Variants in AFG1L observed in about 807,000 individuals in gnomAD.
AFG1L encodes the protein AFG1-like ATPase.
Under a neutral mutation model 62.2 loss-of-function variants are expected in AFG1L, and 53 were observed. The observed-to-expected ratio is 0.85, with a 90% CI of 0.68 to 1.07. AFG1L has a LOEUF of 1.07. Ranked by LOEUF, AFG1L falls within the 50% of genes least tolerant of loss-of-function variation. The pLI is 0.00. For missense variants in AFG1L, 555 were observed against 590.5 expected, an observed-to-expected ratio of 0.94 and a Z score of 0.62; for synonymous variants, 228 against 210.3, an observed-to-expected ratio of 1.08 and a Z score of -0.73.
At chr6:108,379,547 TG>T (rs1335361057) in intron 6 of AFG1L, among the ~76,000 whole-genome samples, 1 of 152,150 alleles carries the variant, frequency 6.6e-6, no homozygotes, top group African/African-American at 2.4e-5. Context: ...AGGGTGGCAA[TG>T]GGAGCCGTGA....
chr6:108,385,976 G>T (rs1780746403), intron 6 of AFG1L, among the ~76,000 whole-genome samples: 1 of 152,112 alleles, frequency 6.6e-6, no homozygotes, highest in African/African-American at 2.4e-5. Flanking sequence ...TAGCTGGTGT[G>T]GTGGCACATG....
In AFG1L at chr6:108,489,599, G is replaced by A. The variant is rs116285477; in HGVS notation, c.1062+12307G>A. Among the ~76,000 whole-genome samples, 1,016 of 152,272 alleles carry A rather than the reference G, an allele frequency of 6.7e-3. 9 individuals are homozygous for A. The highest frequency in any genetic ancestry group is 0.022 in the African/African-American group (928 of 41,546). The stretch of plus-strand genomic sequence containing the variant: ...GATTTCAGCTCCTAATTGCTGCCTC[G>A]AGGAGGGGCATGAACCAGGTATACT... On this transcript the variant is annotated intron_variant, in intron 10 of 12. Transcript: ENST00000368977.
In AFG1L at chr6:108,525,052, T is replaced by C. The variant is rs370335751; in HGVS notation, c.*2627T>C. On this transcript the variant is annotated 3_prime_UTR_variant, in exon 13 of 13. Coordinates refer to ENST00000368977, the MANE Select transcript of AFG1L (RefSeq NM_145315.5). ...CTTTTTTTGAAATGCTTTAAATGTA[T>C]ACTTTGAGACGGAGGTTTGAGCTGA... 25 of 152,330 alleles carry C rather than the reference T, an allele frequency of 1.6e-4. No individual in the cohort carries two copies. Among genetic ancestry groups the C allele is most frequent in the African/African-American group, 5.3e-4 (22 of 41,572 alleles). The allele number at this position is 152,330 out of a possible 1,614,324, so 9.4% of individuals were successfully genotyped here.
chr6:108,315,656 C>T (rs1777562271), intron 1 of AFG1L, among the ~76,000 whole-genome samples: 1 of 152,098 alleles, frequency 6.6e-6, no homozygotes, highest in Admixed American at 6.6e-5. Context: ...TCATAGCTCA[C>T]TGTAACCTCA....
At chr6:108,424,138 G>A (rs1283324614) in intron 7 of AFG1L, among the ~76,000 whole-genome samples, 1 of 151,932 alleles carries the variant, frequency 6.6e-6, no homozygotes, top group Non-Finnish European at 1.5e-5. Flanking sequence ...GGATGAGAAG[G>A]CAATCTTTGT....
At chr6:108,406,578 C>T (rs1345724389) in intron 7 of AFG1L, among the ~76,000 whole-genome samples, 2 of 152,084 alleles carry the variant, frequency 1.3e-5, no homozygotes, top group African/African-American at 2.4e-5. Flanking sequence ...GCTGGGATTA[C>T]AGGCACATGC....
At chr6:108,443,469 A>T (rs1459890696) in intron 7 of AFG1L, among the ~76,000 whole-genome samples, 1 of 152,212 alleles carries the variant, frequency 6.6e-6, no homozygotes, top group Non-Finnish European at 1.5e-5. Flanking sequence ...CTTCTTGATA[A>T]CTGGAATATC....
intron 7 of AFG1L, among the ~76,000 whole-genome samples, chr6:108,442,078 G>T (rs7769361): frequency 0.36 from 55,357 of 151,818 alleles, 10,644 homozygotes; most frequent in Non-Finnish European, 0.44. Context: ...TTTGATGTCT[G>T]TAGTAAAGAT....
chr6:108,458,999 A>G (rs899195254), intron 8 of AFG1L, among the ~76,000 whole-genome samples: 1 of 152,174 alleles, frequency 6.6e-6, no homozygotes, highest in Non-Finnish European at 1.5e-5. Context: ...TTCCTGAAGC[A>G]ATACCCTTCT....
At chr6:108,420,343 A>G (rs1331305390) in intron 7 of AFG1L, among the ~76,000 whole-genome samples, 2 of 150,988 alleles carry the variant, frequency 1.3e-5, no homozygotes, top group Non-Finnish European at 3.0e-5. Context: ...AGTCTAGGAA[A>G]TCTACCCAAG....
intron 1 of AFG1L, among the ~76,000 whole-genome samples, chr6:108,311,079 T>G (rs994492271): frequency 6.6e-6 from 1 of 152,230 alleles, no homozygotes; most frequent in Non-Finnish European, 1.5e-5. Context: ...AAGTGGCTCC[T>G]GTGGCCTTTA....
intron 1 of AFG1L, among the ~76,000 whole-genome samples, chr6:108,313,905 C>T (rs1777499886): frequency 6.6e-6 from 1 of 151,974 alleles, no homozygotes; most frequent in Admixed American, 6.6e-5. Context: ...TAAAAAAATA[C>T]ATAGTAGTTT....
intron 7 of AFG1L, among the ~76,000 whole-genome samples, chr6:108,443,518 A>T (rs1771632623): frequency 6.6e-6 from 1 of 152,210 alleles, no homozygotes. Context: ...GGATGGAGAG[A>T]TTATTTTACA....
chr6:108,393,044 T>C (rs1230805137), intron 6 of AFG1L, among the ~76,000 whole-genome samples: 1 of 152,158 alleles, frequency 6.6e-6, no homozygotes, highest in Non-Finnish European at 1.5e-5. Flanking sequence ...TTAGAGGTAC[T>C]TATACCATTT....
intron 2 of AFG1L, among the ~76,000 whole-genome samples, chr6:108,344,104 AGTTT>A (rs566511385): frequency 5.3e-5 from 8 of 151,992 alleles, no homozygotes; most frequent in East Asian, 3.9e-4. Context: ...TCTACAGGAT[AGTTT>A]GTTTGTTTGT....
intron 5 of AFG1L, among the ~76,000 whole-genome samples, chr6:108,358,831 G>A (rs1582432985): frequency 6.6e-6 from 1 of 152,236 alleles, no homozygotes; most frequent in Non-Finnish European, 1.5e-5. Context: ...ACCAAGCCCG[G>A]CCTGATTGGC....
At chr6:108,495,333 T>A (rs940515858) in intron 10 of AFG1L, among the ~76,000 whole-genome samples, 2 of 151,854 alleles carry the variant, frequency 1.3e-5, no homozygotes, top group Non-Finnish European at 2.9e-5. Flanking sequence ...TAAGGAGGAG[T>A]CTATACAGAT....
chr6:108,405,519 G>A (rs1344045557), intron 7 of AFG1L, among the ~76,000 whole-genome samples: 1 of 151,980 alleles, frequency 6.6e-6, no homozygotes, highest in Non-Finnish European at 1.5e-5. Context: ...GCTAATTTTT[G>A]TATTTTTTGT....
intron 5 of AFG1L, among the ~76,000 whole-genome samples, chr6:108,357,423 GA>G (rs1180818607): frequency 1.7e-4 from 26 of 152,104 alleles, no homozygotes; most frequent in African/African-American, 5.8e-4. Context: ...AGAAGAAGAA[GA>G]AAAAGAAGAA....
Sources: gnomAD v4.1 joint callset for allele counts (sites outside exome capture counted in the v4.1 genomes callset) on GRCh38, gnomAD v4.1.1 for gene constraint, MANE v1.5 for transcripts, NCBI Gene and HGNC (gene_info 2026-07-23, HGNC 2026-07-21) for gene names.